Variants in PALLD observed in about 807,000 individuals in gnomAD.
PALLD encodes palladin.
In PALLD, 61 loss-of-function variants were observed where a neutral mutation model predicts 123.5. The ratio of observed to expected loss-of-function variants is 0.49; its 90% CI spans 0.40 to 0.61. The LOEUF (loss-of-function observed/expected upper bound fraction) is 0.61, where lower values mean the gene tolerates loss of function less well. Among genes scored for constraint, PALLD ranks in the 20% least tolerant of loss-of-function variants. The pLI, the probability that PALLD is intolerant of heterozygous loss-of-function variation, is 0.00. For synonymous variants in PALLD, 465 were observed against 496.4 expected, an observed-to-expected ratio of 0.94 and a Z score of 0.84; for missense variants, 1,273 against 1,377.0, an observed-to-expected ratio of 0.92 and a Z score of 1.20.
intron 10 of PALLD, among the ~76,000 whole-genome samples, chr4:168,780,542 TTC>T (rs1735769067): frequency 6.6e-6 from 1 of 152,350 alleles, no homozygotes; most frequent in South Asian, 2.1e-4. Context: ...TTATCCAGTA[TTC>T]TCTCTTATCC....
At chr4:168,668,051 GTAACAC>G in intron 2 of PALLD, 133 bp from the exon 3 acceptor site, 1 of 715,052 alleles carries the variant, frequency 1.4e-6, no homozygotes, top group Non-Finnish European at 2.5e-6. Flanking sequence ...GTTTCCATTA[GTAACAC>G]TGACATTGTT....
chr4:168,736,598 C>T (rs1036781853), intron 10 of PALLD, among the ~76,000 whole-genome samples: 2 of 152,208 alleles, frequency 1.3e-5, no homozygotes, highest in South Asian at 2.1e-4. Context: ...CCAGCAAAGG[C>T]GAATGGAATC....
chr4:168,600,017 G>A (rs907990184), intron 2 of PALLD, among the ~76,000 whole-genome samples: 6 of 146,968 alleles, frequency 4.1e-5, no homozygotes, highest in African/African-American at 1.6e-4. Context: ...ATACATACAT[G>A]TGTGTACACA....
intron 19 of PALLD, 148 bp from the exon 20 acceptor site, chr4:168,924,797 G>A: frequency 6.6e-6 from 5 of 763,346 alleles, no homozygotes; most frequent in Non-Finnish European, 1.1e-5. Context: ...AACTTTAATG[G>A]AGCTAGTAAT....
chr4:168,637,943 C>CAA (rs11416996), intron 2 of PALLD, among the ~76,000 whole-genome samples: 4,122 of 58,508 alleles, frequency 0.07, 354 homozygotes, highest in African/African-American at 0.18. Context: ...GAATACATCT[C>CAA]AAAAAAAAAA....
At position 168,683,095 on chromosome 4, in the gene PALLD, G is replaced by A. The variant is rs867960969; in HGVS notation, c.1252G>A (p.Val418Met). Reference sequence around the variant, plus strand: ...TGTGATTCAACCACTGTCTGTCCCTGTGCAACAGGTAAGTATGCTTTGAGC... The same window carrying A: ...TGTGATTCAACCACTGTCTGTCCCTATGCAACAGGTAAGTATGCTTTGAGC... ...TAVIQPLSVP[V>M]QQVHSPTSYL... is the part of the protein sequence containing the mutation. Residue 418 changes from valine (V) to methionine (M), a missense_variant, in exon 5 of 22, where the codon GTG becomes ATG. This residue lies in a region of PALLD where 944 missense variants were observed against 954.5 expected (regional missense o/e 0.99). Coordinates refer to ENST00000505667, the MANE Select transcript of PALLD (RefSeq NM_001166108.2). The A allele has an allele frequency of 6.3e-7, 1 of 1,596,050 alleles. No homozygotes were observed. Among genetic ancestry groups the A allele is most frequent in the South Asian group, 1.1e-5 (1 of 90,546 alleles).
At chr4:168,910,086 T>C (rs1344732858) in intron 15 of PALLD, among the ~76,000 whole-genome samples, 1 of 152,316 alleles carries the variant, frequency 6.6e-6, no homozygotes, top group South Asian at 2.1e-4. Context: ...ACTATTCCTT[T>C]TTCTTAAATT....
At chr4:168,655,193 T>C (rs1279701642) in intron 2 of PALLD, among the ~76,000 whole-genome samples, 1 of 152,200 alleles carries the variant, frequency 6.6e-6, no homozygotes, top group Non-Finnish European at 1.5e-5. Context: ...CTTGGAAAGC[T>C]GACCTCTAAA....
At chr4:168,639,175 T>C in intron 2 of PALLD, among the ~76,000 whole-genome samples, 1 of 152,252 alleles carries the variant, frequency 6.6e-6, no homozygotes, top group African/African-American at 2.4e-5. Flanking sequence ...ATATTACTTA[T>C]GAATATCACA....
At chr4:168,888,073 G>GGA (rs1462542840) in intron 10 of PALLD, among the ~76,000 whole-genome samples, 1 of 151,892 alleles carries the variant, frequency 6.6e-6, no homozygotes, top group Non-Finnish European at 1.5e-5. Context: ...CCCAGATAAA[G>GGA]GAGTAGGAGG....
intron 10 of PALLD, among the ~76,000 whole-genome samples, chr4:168,831,460 G>A (rs1429796799): frequency 6.6e-6 from 1 of 152,152 alleles, no homozygotes; most frequent in East Asian, 1.9e-4. Flanking sequence ...ACAGAACCCA[G>A]TAAACTAATT....
At chr4:168,821,879 CAAAAA>C (rs910886193) in intron 10 of PALLD, among the ~76,000 whole-genome samples, 10 of 58,288 alleles carry the variant, frequency 1.7e-4, no homozygotes, top group African/African-American at 4.2e-4. Context: ...AACGCTGTCT[CAAAAA>C]AAAAAAAAAA....
intron 1 of PALLD, among the ~76,000 whole-genome samples, chr4:168,497,589 A>G (rs916638886): frequency 6.6e-6 from 1 of 152,240 alleles, no homozygotes; most frequent in Admixed American, 6.5e-5. Flanking sequence ...TTTAAGCTAG[A>G]TAAGTGATGA....
chr4:168,555,255 A>C (rs1767159595), intron 2 of PALLD, among the ~76,000 whole-genome samples: 1 of 152,214 alleles, frequency 6.6e-6, no homozygotes, highest in Non-Finnish European at 1.5e-5. Context: ...GGTATCTGTC[A>C]AGGCTGATTA....
chr4:168,799,071 C>T (rs1018985599), intron 10 of PALLD, among the ~76,000 whole-genome samples: 3 of 152,114 alleles, frequency 2.0e-5, no homozygotes, highest in South Asian at 2.1e-4. Flanking sequence ...AATAAAGTGA[C>T]GTACAGGAAT....
At chr4:168,648,345 C>T (rs1777688480) in intron 2 of PALLD, 1 of 152,064 alleles carries the variant, frequency 6.6e-6, no homozygotes, top group Non-Finnish European at 1.5e-5. Flanking sequence ...AAGTAGAAAT[C>T]TATGGCATAA....
chr4:168,727,495 T>C (rs937983124), intron 10 of PALLD, among the ~76,000 whole-genome samples: 2 of 152,246 alleles, frequency 1.3e-5, no homozygotes, highest in African/African-American at 4.8e-5. Flanking sequence ...ATATGTTTGT[T>C]GGCTGCTTGT....
intron 2 of PALLD, among the ~76,000 whole-genome samples, chr4:168,542,349 G>A (rs553910614): frequency 1.3e-5 from 2 of 151,950 alleles, no homozygotes; most frequent in South Asian, 2.1e-4. Context: ...CTAGGAGTTC[G>A]AGGCTGCAGT....
intron 6 of PALLD, among the ~76,000 whole-genome samples, chr4:168,689,201 G>C (rs1188666166): frequency 6.6e-6 from 1 of 152,108 alleles, no homozygotes; most frequent in Non-Finnish European, 1.5e-5. Flanking sequence ...ATAGGTTTTA[G>C]AATTCCCTCA....
Sources: allele counts gnomAD v4.1 joint callset (sites outside exome capture counted in the v4.1 genomes callset), GRCh38; gene constraint gnomAD v4.1.1; regional missense constraint gnomAD v4.1.1; transcripts MANE v1.5; gene names NCBI Gene and HGNC (gene_info 2026-07-23, HGNC 2026-07-21).